WDR17: variants seen among roughly 807,000 people sequenced by gnomAD.
The protein encoded by WDR17 is WD repeat domain 17, also known as WD repeat-containing protein 17.
A neutral mutation model predicts 161.7 loss-of-function variants in WDR17; 143 were observed. That is an observed-to-expected ratio of 0.88 (90% CI 0.77 to 1.02). The LOEUF is 1.02. WDR17 is among the 50% of genes least tolerant of loss of function. The pLI is 0.00. For synonymous variants in WDR17, 517 were observed against 515.6 expected, an observed-to-expected ratio of 1.00 and a Z score of -0.04; for missense variants, 1,469 against 1,520.9, an observed-to-expected ratio of 0.97 and a Z score of 0.57.
At position 176,137,595 on chromosome 4, in the gene WDR17, TACA is replaced by T; in HGVS notation, c.1346_1348del (p.Gln449del). The stretch of plus-strand genomic sequence containing the variant: ...TGGAATGTTCAAAAGGGCAAAATTA[TACA>T]ACGATTTAATGAGGTAAGATTTATT... On this transcript the variant is annotated inframe_deletion, in exon 9 of 29. Transcript: ENST00000508596. 1 of 1,593,392 alleles carries T rather than the reference TACA, an allele frequency of 6.3e-7. No individual in the cohort carries two copies. The highest frequency in any genetic ancestry group is 8.6e-7 in the Non-Finnish European group (1 of 1,167,010).
intron 1 of WDR17, among the ~76,000 whole-genome samples, chr4:176,072,786 T>C (rs932643904): frequency 1.3e-5 from 2 of 152,186 alleles, no homozygotes; most frequent in Admixed American, 1.3e-4. Context: ...TATTTTTTAG[T>C]AATAAAGGCA....
chr4:176,129,357 G>A (rs28678696), intron 6 of WDR17, among the ~76,000 whole-genome samples: 37,583 of 151,822 alleles, frequency 0.25, 4,787 homozygotes, highest in South Asian at 0.28. Flanking sequence ...GATCTTCTGT[G>A]TCTTCTTTAT....
intron 4 of WDR17, among the ~76,000 whole-genome samples, chr4:176,122,881 G>C (rs943123664): frequency 1.3e-5 from 2 of 152,132 alleles, no homozygotes; most frequent in Admixed American, 1.3e-4. Context: ...GTATACTTAT[G>C]TGTGTGTATT....
chr4:176,154,377 A>G (rs996999569), intron 17 of WDR17, among the ~76,000 whole-genome samples: 2 of 152,178 alleles, frequency 1.3e-5, no homozygotes, highest in African/African-American at 2.4e-5. Context: ...GCTACTCAGG[A>G]GGCTGAGGCA....
intron 1 of WDR17, among the ~76,000 whole-genome samples, chr4:176,073,584 T>C (rs543732930): frequency 0.011 from 1,736 of 151,630 alleles, 41 homozygotes; most frequent in African/African-American, 0.039. Flanking sequence ...TGTGTCTTTA[T>C]AGCAGCATGA....
chr4:176,092,305 A>G (rs966774769), intron 1 of WDR17, among the ~76,000 whole-genome samples: 8 of 152,194 alleles, frequency 5.3e-5, no homozygotes, highest in African/African-American at 1.9e-4. Context: ...TATGCAAATC[A>G]AATTATACAT....
At chr4:176,071,287 T>A (rs954566913) in intron 1 of WDR17, among the ~76,000 whole-genome samples, 1 of 151,982 alleles carries the variant, frequency 6.6e-6, no homozygotes, top group African/African-American at 2.4e-5. Context: ...TCTTAGTTTA[T>A]AATTGAAAAT....
chr4:176,129,861 T>A (rs1159232355), intron 6 of WDR17, among the ~76,000 whole-genome samples: 3 of 152,154 alleles, frequency 2.0e-5, no homozygotes, highest in African/African-American at 7.2e-5. Context: ...GGCTTACTGT[T>A]TAGGGATGTT....
Position 176,162,190 on chromosome 4 carries a change from C to G in WDR17, c.2850+16C>G, listed in dbSNP as rs1354684595. On this transcript the variant is annotated intron_variant, in intron 21 of 28. Transcript: ENST00000508596. Reference sequence around the variant, plus strand: ...TAATATTGAGGTACGACATTTAAAACTGGTTTATGTGAATGAAAAGTTTTT... The same window carrying G: ...TAATATTGAGGTACGACATTTAAAAGTGGTTTATGTGAATGAAAAGTTTTT... 1.9e-6 allele frequency: 3 copies of G among 1,606,418 alleles called. No individual in the cohort carries two copies. Among genetic ancestry groups the G allele is most frequent in the Non-Finnish European group, 2.6e-6 (3 of 1,176,188 alleles).
chr4:176,083,967 G>T (rs1015425670), intron 1 of WDR17, among the ~76,000 whole-genome samples: 1 of 151,922 alleles, frequency 6.6e-6, no homozygotes, highest in Non-Finnish European at 1.5e-5. Context: ...TGGATGATCT[G>T]AATTTATCTT....
At chr4:176,070,181 C>T (rs1240347258) in intron 1 of WDR17, among the ~76,000 whole-genome samples, 2 of 152,092 alleles carry the variant, frequency 1.3e-5, no homozygotes, top group African/African-American at 4.8e-5. Flanking sequence ...TGAATTTATT[C>T]CTGAAAATAT....
intron 8 of WDR17, among the ~76,000 whole-genome samples, chr4:176,136,599 T>C (rs979995972): frequency 6.6e-6 from 1 of 151,584 alleles, no homozygotes; most frequent in Non-Finnish European, 1.5e-5. Flanking sequence ...GCATCATGAC[T>C]TTGAGGTAAG....
rs1374742707 is a variant in WDR17 at position 176,172,374 on chromosome 4, G to A, written c.3103-1G>A. ...TTGTTTTCAAATCAATTATTTTCTA[G>A]TGTAAGCTACCCACAGTGGAAGAAT... On this transcript the variant is annotated splice_acceptor_variant, in intron 23 of 28. Transcript: ENST00000508596. LOFTEE classifies it high-confidence loss of function. 1.9e-6 allele frequency: 3 copies of A among 1,604,320 alleles called. No homozygotes were observed. The Admixed American group carries it at 5.3e-5, about 28-fold the overall frequency.
At chr4:176,095,621 G>C (rs899023352) in intron 1 of WDR17, among the ~76,000 whole-genome samples, 1 of 151,334 alleles carries the variant, frequency 6.6e-6, no homozygotes, top group East Asian at 1.9e-4. Flanking sequence ...TCCTTCCTTC[G>C]TTTCCTTTGT....
chr4:176,138,385 C>G (rs903536283), intron 9 of WDR17, among the ~76,000 whole-genome samples: 3 of 151,666 alleles, frequency 2.0e-5, no homozygotes, highest in East Asian at 1.9e-4. Flanking sequence ...CCTGCTCCCC[C>G]ACTACTTGTA....
At chr4:176,166,024 A>G in intron 22 of WDR17, 1 of 571,468 alleles carries the variant, frequency 1.7e-6, no homozygotes, top group Non-Finnish European at 3.0e-6. Flanking sequence ...CATAATTTTT[A>G]AGCTATAAAC....
chr4:176,067,846 C>A (rs1437328073), intron 1 of WDR17, among the ~76,000 whole-genome samples: 1 of 152,072 alleles, frequency 6.6e-6, no homozygotes, highest in East Asian at 1.9e-4. Context: ...GAACAGGTTT[C>A]TGTTTGTTTG....
In WDR17 at chr4:176,131,581, A is replaced by G. The variant is rs566412840; in HGVS notation, c.941A>G (p.His314Arg). ...KFSVQSPTKN[H>R]YTSSTSEAVP... is the part of the protein sequence containing the mutation. ...TCAGTCCAATCTCCAACCAAAAATC[A>G]TTATACATCCTCAACAAGCGAAGCA... is the stretch of plus-strand genomic sequence containing the variant. Residue 314 changes from histidine to arginine, a missense_variant, in exon 7 of 29, where the codon CAT becomes CGT. Physicochemically the swap from His to Arg is conservative, Grantham distance 29. Coordinates refer to ENST00000508596, the MANE Select transcript of WDR17 (RefSeq NM_181265.4). The G allele has an allele frequency of 1.4e-5, 22 of 1,608,800 alleles. No homozygotes were observed. The highest frequency in any genetic ancestry group is 9.4e-5 in the African/African-American group (7 of 74,722).
intron 1 of WDR17, among the ~76,000 whole-genome samples, chr4:176,084,661 G>A (rs551476200): frequency 5.3e-5 from 8 of 150,446 alleles, no homozygotes; most frequent in Admixed American, 2.7e-4. Flanking sequence ...AGATGTTATC[G>A]TTAGTTTTCT....
Sources: gnomAD v4.1 joint callset for allele counts (sites outside exome capture counted in the v4.1 genomes callset) on GRCh38, gnomAD v4.1.1 for gene constraint, MANE v1.5 for transcripts, NCBI Gene and HGNC (gene_info 2026-07-23, HGNC 2026-07-21) for gene names.